The following PDE7B variants were observed in gnomAD, a reference collection of about 807,000 sequenced individuals.
PDE7B encodes phosphodiesterase 7B, also known as 3',5'-cyclic-AMP phosphodiesterase 7B.
PDE7B carries 29 observed loss-of-function variants against 56.2 expected under a neutral mutation model. That is an observed-to-expected ratio of 0.52 (90% confidence interval 0.38 to 0.70). The LOEUF is 0.70. Among genes scored for constraint, PDE7B ranks in the 30% least tolerant of loss-of-function variants. PDE7B has a pLI of 0.00. For missense variants in PDE7B, 490 were observed against 565.0 expected (o/e 0.87, Z 1.35); for synonymous variants, 197 against 196.9 (o/e 1.00, Z 0.00).
chr6:136,171,634 CT>C lies in PDE7B; in HGVS notation c.712-2154del, dbSNP rs111587468. ...CATTACTACCTATTTCACTGCTTCA[CT>C]TTTTTTTTATTATTATTATACTTTA... On this transcript the variant is annotated intron_variant, in intron 8 of 12. Coordinates refer to ENST00000308191, the MANE Select transcript of PDE7B (RefSeq NM_018945.4). 6.4e-3 allele frequency among the ~76,000 whole-genome samples: 965 copies of C among 151,304 alleles called. 10 individuals carry two copies. Among genetic ancestry groups the C allele is most frequent in the African/African-American group, 0.022 (896 of 41,250 alleles).
At chr6:136,148,840 C>T (rs1447381664) in intron 4 of PDE7B, among the ~76,000 whole-genome samples, 1 of 152,166 alleles carries the variant, frequency 6.6e-6, no homozygotes, top group African/African-American at 2.4e-5. Context: ...GTAAAAGTCT[C>T]ACGCAATCTA....
At chr6:136,053,420 G>A (rs1256074145) in intron 2 of PDE7B, among the ~76,000 whole-genome samples, 1 of 151,906 alleles carries the variant, frequency 6.6e-6, no homozygotes, top group Non-Finnish European at 1.5e-5. Context: ...AGTATTCCAT[G>A]GTGTATATGT....
intron 2 of PDE7B, among the ~76,000 whole-genome samples, chr6:136,097,645 C>G (rs1345882951): frequency 2.0e-5 from 3 of 152,132 alleles, no homozygotes; most frequent in South Asian, 4.1e-4. Context: ...CATTTCATGA[C>G]TTTCTAATTC....
intron 2 of PDE7B, among the ~76,000 whole-genome samples, chr6:136,090,086 A>T (rs1037533083): frequency 3.3e-5 from 5 of 152,158 alleles, no homozygotes; most frequent in African/African-American, 1.2e-4. Context: ...AGTAACTCAA[A>T]AAGTGCTGTA....
chr6:136,110,341 G>A (rs1182950383), intron 3 of PDE7B, among the ~76,000 whole-genome samples: 1 of 152,110 alleles, frequency 6.6e-6, no homozygotes, highest in Non-Finnish European at 1.5e-5. Context: ...ACCTTTGACA[G>A]TCTCTAGACT....
chr6:135,969,329 TAATA>T (rs1775052174), intron 2 of PDE7B, among the ~76,000 whole-genome samples: 1 of 152,132 alleles, frequency 6.6e-6, no homozygotes, highest in Admixed American at 6.6e-5. Context: ...ATTTAAAAAA[TAATA>T]AAATAGCTTT....
At chr6:135,887,206 G>A (rs1163812732) in intron 1 of PDE7B, among the ~76,000 whole-genome samples, 1 of 152,046 alleles carries the variant, frequency 6.6e-6, no homozygotes, top group Non-Finnish European at 1.5e-5. Context: ...TTTTTGATGG[G>A]ATTATTTGTT....
rs139789921 is a variant in PDE7B, at chr6:135,968,385, G to C, written c.82+20861G>C. The stretch of plus-strand genomic sequence containing the variant: ...TGAACAGGCAACCTACAGAATGAGA[G>C]AAAATTTTTGCAATCTATCCATCTG... On this transcript the variant is annotated intron_variant, in intron 2 of 12. Coordinates refer to ENST00000308191, the MANE Select transcript of PDE7B (RefSeq NM_018945.4). Among the ~76,000 whole-genome samples, 1,078 of 152,214 alleles carry C rather than the reference G, an allele frequency of 7.1e-3. 9 individuals carry two copies. The highest frequency in any genetic ancestry group is 0.012 in the Non-Finnish European group (833 of 68,020).
At chr6:136,094,701 C>T (rs1261560493) in intron 2 of PDE7B, 1 of 152,254 alleles carries the variant, frequency 6.6e-6, no homozygotes, top group Non-Finnish European at 1.5e-5. Flanking sequence ...GTCTTCCCCA[C>T]TAGAATCTCA....
At chr6:136,066,855 T>A (rs1028598731) in intron 2 of PDE7B, among the ~76,000 whole-genome samples, 29 of 150,630 alleles carry the variant, frequency 1.9e-4, no homozygotes, top group African/African-American at 6.1e-4. Flanking sequence ...CCATAACCTT[T>A]TTTTTTTTTT....
intron 1 of PDE7B, among the ~76,000 whole-genome samples, chr6:135,926,276 A>G (rs1446074236): frequency 6.6e-6 from 1 of 151,936 alleles, no homozygotes; most frequent in Non-Finnish European, 1.5e-5. Context: ...TTTGGTAGAG[A>G]CAGGGTTTCA....
chr6:136,047,760 G>A (rs1004567901), intron 2 of PDE7B, among the ~76,000 whole-genome samples: 4 of 152,160 alleles, frequency 2.6e-5, no homozygotes, highest in African/African-American at 9.7e-5. Flanking sequence ...TATTCAGAAA[G>A]GGAAATGAAA....
intron 1 of PDE7B, among the ~76,000 whole-genome samples, chr6:135,893,851 A>G (rs1267808083): frequency 2.0e-5 from 3 of 152,204 alleles, no homozygotes. Flanking sequence ...ATCGTCATTG[A>G]AGTGAAAAGA....
intron 2 of PDE7B, among the ~76,000 whole-genome samples, chr6:136,008,297 T>C (rs1026114097): frequency 5.9e-5 from 9 of 152,154 alleles, no homozygotes; most frequent in African/African-American, 1.9e-4. Context: ...TAAACATACA[T>C]GTGCATGTGT....
chr6:136,176,512 GTTTA>G (rs1251035121), intron 9 of PDE7B, among the ~76,000 whole-genome samples: 5 of 151,972 alleles, frequency 3.3e-5, no homozygotes, highest in African/African-American at 4.8e-5. Flanking sequence ...ATGTACCATG[GTTTA>G]TTTAACTAAT....
At chr6:136,006,330 A>G (rs1241974532) in intron 2 of PDE7B, among the ~76,000 whole-genome samples, 1 of 152,058 alleles carries the variant, frequency 6.6e-6, no homozygotes, top group South Asian at 2.1e-4. Context: ...CATTGTGCAC[A>G]TGTACCCTAA....
intron 1 of PDE7B, among the ~76,000 whole-genome samples, chr6:135,879,955 G>T (rs1223095501): frequency 6.6e-6 from 1 of 152,162 alleles, no homozygotes; most frequent in African/African-American, 2.4e-5. Context: ...ACATAATTAT[G>T]CAAAACTATA....
At chr6:135,991,780 G>T (rs774724646) in intron 2 of PDE7B, among the ~76,000 whole-genome samples, 1 of 152,170 alleles carries the variant, frequency 6.6e-6, no homozygotes, top group Non-Finnish European at 1.5e-5. Flanking sequence ...TCAGAGAGCT[G>T]CAGAGAGAAA....
chr6:136,097,675 T>C (rs1036281227), intron 2 of PDE7B, among the ~76,000 whole-genome samples: 1 of 152,188 alleles, frequency 6.6e-6, no homozygotes, highest in Non-Finnish European at 1.5e-5. Context: ...TTCTCTTAAG[T>C]CATCCTAAGT....
Sources: gnomAD v4.1 joint callset for allele counts (sites outside exome capture counted in the v4.1 genomes callset) on GRCh38, gnomAD v4.1.1 for gene constraint, MANE v1.5 for transcripts, NCBI Gene and HGNC (gene_info 2026-07-23, HGNC 2026-07-21) for gene names.